The following SLC9A2 variants were observed in gnomAD, a reference collection of about 807,000 sequenced individuals.
SLC9A2 encodes sodium/hydrogen exchanger 2.
Under a neutral mutation model 71.7 loss-of-function variants are expected in SLC9A2, and 42 were observed. The observed-to-expected ratio is 0.59, with a 90% confidence interval of 0.46 to 0.76. The LOEUF is 0.76. Among genes scored for constraint, SLC9A2 ranks in the 30% least tolerant of loss-of-function variants. The pLI, the probability that SLC9A2 is intolerant of heterozygous loss-of-function variation, is 0.00. For synonymous variants in SLC9A2, 396 were observed against 392.5 expected (o/e 1.01, Z -0.10); for missense variants, 829 against 1,017.4 (o/e 0.81, Z 2.52).
chr2:102,650,097 AAGAAAATGT>A (rs1676802240), intron 1 of SLC9A2, among the ~76,000 whole-genome samples: 1 of 152,238 alleles, frequency 6.6e-6, no homozygotes, highest in South Asian at 2.1e-4. Flanking sequence ...AGACTGGATA[AAGAAAATGT>A]GGCACATATA....
At position 102,695,811 on chromosome 2, in the gene SLC9A2, T is replaced by C. The variant is rs1397040732; in HGVS notation, c.1586+698T>C. ...ATATTATATATATATTATATATATATATAATATATATATAAAAAGCTAAAA... is the reference window on the plus strand; with the variant it reads ...ATATTATATATATATTATATATATACATAATATATATATAAAAAGCTAAAA... On this transcript the variant is annotated intron_variant, in intron 7 of 11. Transcript: ENST00000233969. 4.0e-5 allele frequency among the ~76,000 whole-genome samples: 4 copies of C among 100,646 alleles called. 2 individuals carry two copies. Among genetic ancestry groups the C allele is most frequent in the African/African-American group, 1.5e-4 (4 of 26,706 alleles). 66.0% of individuals were successfully genotyped at this position (100,646 alleles called of 152,430 possible). A position where few individuals can be genotyped will look rare whatever the true frequency, so the allele number is the denominator to read the frequency against.
chr2:102,704,660 G>T lies in SLC9A2; in HGVS notation c.1962G>T (p.Leu654Phe), dbSNP rs549745401. 9.6e-5 allele frequency: 154 copies of T among 1,612,374 alleles called. 1 individual carries two copies. Among genetic ancestry groups the T allele is most frequent in the Admixed American group, 2.3e-4 (14 of 59,960 alleles). Residue 654 changes from leucine (L) to phenylalanine (F), a missense_variant, in exon 10 of 12, where the codon TTG (leucine) becomes TTT (phenylalanine). Physicochemically the swap from Leu to Phe is conservative, Grantham distance 22 (BLOSUM62 0). Transcript: ENST00000233969. ...AAAGCATTAGGAAGGACAGCAGCTT[G>T]AATCGAGAACACAGGGTAACTGAGT... ...LRESIRKDSS[L>F]NREHRASTST...
intron 1 of SLC9A2, among the ~76,000 whole-genome samples, chr2:102,632,342 AC>A (rs1432351103): frequency 2.0e-5 from 3 of 148,924 alleles, no homozygotes; most frequent in Non-Finnish European, 4.4e-5. Context: ...TGTTACTTTT[AC>A]AGCAAAAGAG....
At chr2:102,663,288 C>A (rs1677079772) in intron 2 of SLC9A2, among the ~76,000 whole-genome samples, 1 of 152,086 alleles carries the variant, frequency 6.6e-6, no homozygotes, top group African/African-American at 2.4e-5. Flanking sequence ...TTGAGTGTTA[C>A]ACCAACAATT....
rs1678075241 is a variant in SLC9A2 at position 102,710,068 on chromosome 2, T to C, written c.*1579T>C. On this transcript the variant is annotated 3_prime_UTR_variant, in exon 12 of 12. Transcript: ENST00000233969. ...CTCATGTTCTAAAGTCTTAGAATAC[T>C]GCTGGATTGTTGAGCATGAGACAGA... The C allele has an allele frequency of 6.5e-6, 1 of 152,762 alleles. No homozygotes were observed. Among genetic ancestry groups the C allele is most frequent in the South Asian group, 2.1e-4 (1 of 4,832 alleles). The allele number at this position is 152,762 out of a possible 1,614,324, so 9.5% of individuals were successfully genotyped here.
chr2:102,637,786 G>C (rs1284966527), intron 1 of SLC9A2, among the ~76,000 whole-genome samples: 2 of 152,252 alleles, frequency 1.3e-5, no homozygotes, highest in African/African-American at 4.8e-5. Context: ...TGGGAAATCT[G>C]TTACCTAATT....
chr2:102,684,319 T>C lies in SLC9A2; in HGVS notation c.1408T>C (p.Phe470Leu). Residue 470 changes from phenylalanine to leucine, a missense_variant, in exon 5 of 12, where the codon TTT becomes CTT. By Grantham distance (22) the Phe-to-Leu change is conservative (BLOSUM62 0). Coordinates refer to ENST00000233969, the MANE Select transcript of SLC9A2 (RefSeq NM_003048.6). ...FITAAIVVIF[F>L]TVFILGITIR... ...TACGGCTGCCATTGTTGTCATATTC[T>C]TTACTGTCTTCATTCTGGTAAGTAG... The C allele has an allele frequency of 6.2e-7, 1 of 1,614,014 alleles. No homozygotes were observed. The highest frequency in any genetic ancestry group is 2.2e-5 in the East Asian group (1 of 44,888).
intron 1 of SLC9A2, among the ~76,000 whole-genome samples, chr2:102,643,939 C>T (rs959019301): frequency 1.9e-4 from 28 of 150,474 alleles, no homozygotes; most frequent in African/African-American, 4.7e-4. Flanking sequence ...ACATTTAAAA[C>T]GATGAATTCA....
chr2:102,689,278 C>T (rs879503876), intron 5 of SLC9A2, among the ~76,000 whole-genome samples: 2 of 152,158 alleles, frequency 1.3e-5, no homozygotes, highest in Non-Finnish European at 2.9e-5. Context: ...ATATATTGCT[C>T]TCTCAGAAGG....
intron 1 of SLC9A2, among the ~76,000 whole-genome samples, chr2:102,620,704 C>CGG (rs1464804377): frequency 6.6e-6 from 1 of 152,080 alleles, no homozygotes; most frequent in Non-Finnish European, 1.5e-5. Flanking sequence ...GCTTTTGCTT[C>CGG]GGGGTGGCTG....
chr2:102,664,279 A>C (rs1007743177), intron 2 of SLC9A2, among the ~76,000 whole-genome samples: 1 of 152,074 alleles, frequency 6.6e-6, no homozygotes, highest in Non-Finnish European at 1.5e-5. Flanking sequence ...GACTCAAAAA[A>C]AAAAAAAAAG....
chr2:102,638,265 T>C (rs1676508805), intron 1 of SLC9A2, among the ~76,000 whole-genome samples: 1 of 152,234 alleles, frequency 6.6e-6, no homozygotes, highest in Non-Finnish European at 1.5e-5. Flanking sequence ...GCTGATTATG[T>C]GGGACACTTA....
chr2:102,700,442 G>A (rs1677851778), intron 7 of SLC9A2, among the ~76,000 whole-genome samples: 1 of 152,194 alleles, frequency 6.6e-6, no homozygotes, highest in Admixed American at 6.5e-5. Flanking sequence ...GAGGGAGGGT[G>A]AGAAGGAGGT....
intron 1 of SLC9A2, among the ~76,000 whole-genome samples, chr2:102,643,169 C>T (rs531748340): frequency 2.3e-4 from 35 of 152,170 alleles, no homozygotes; most frequent in Non-Finnish European, 4.1e-4. Context: ...ACTATGGTGA[C>T]GTCCATGTTC....
intron 5 of SLC9A2, among the ~76,000 whole-genome samples, chr2:102,692,620 T>C (rs551384849): frequency 1.6e-3 from 250 of 152,328 alleles, no homozygotes; most frequent in Middle Eastern, 0.01. Context: ...TTTAAGTATA[T>C]TTACTGACAG....
chr2:102,629,436 A>T (rs1282140905), intron 1 of SLC9A2, among the ~76,000 whole-genome samples: 1 of 152,102 alleles, frequency 6.6e-6, no homozygotes, highest in Non-Finnish European at 1.5e-5. Context: ...TTATACCTAT[A>T]CTATCAAATG....
At chr2:102,640,736 C>T (rs1438666344) in intron 1 of SLC9A2, among the ~76,000 whole-genome samples, 1 of 152,186 alleles carries the variant, frequency 6.6e-6, no homozygotes, top group Admixed American at 6.5e-5. Context: ...TGGAACTCAA[C>T]CTCCTGCCCT....
In SLC9A2 at chr2:102,619,961, A is replaced by G; in HGVS notation, c.113A>G (p.Asn38Ser). 6.2e-7 allele frequency: 1 copy of G among 1,612,378 alleles called. No homozygotes were observed. The highest frequency in any genetic ancestry group is 8.5e-7 in the Non-Finnish European group (1 of 1,179,176). Reference protein sequence around the residue: ...PVGALAETLLNAPRAMGTSSS... With the variant: ...PVGALAETLLSAPRAMGTSSS... Reference sequence around the variant, plus strand: ...GGCGCCCTGGCGGAGACCTTGCTGAACGCGCCGAGGGCCATGGGCACCAGT... The same window carrying G: ...GGCGCCCTGGCGGAGACCTTGCTGAGCGCGCCGAGGGCCATGGGCACCAGT... Residue 38 changes from asparagine (N) to serine (S), a missense_variant, in exon 1 of 12, where the codon AAC (asparagine) becomes AGC (serine). Transcript: ENST00000233969. This position sits in a 1 kb window ranked among gnomAD's most constrained non-coding sequence, Gnocchi z 4.3.
chr2:102,708,499 C>T lies in SLC9A2; in HGVS notation c.*10C>T, dbSNP rs577412247. The stretch of plus-strand genomic sequence containing the variant: ...GAGTGAGAAGCCTTAAGAGAAGCAG[C>T]GAAAGCAGATCTGAGTGTCTGACCC... On this transcript the variant is annotated 3_prime_UTR_variant, in exon 12 of 12. Coordinates refer to ENST00000233969, the MANE Select transcript of SLC9A2 (RefSeq NM_003048.6). 40 of 1,609,452 alleles carry T rather than the reference C, an allele frequency of 2.5e-5. No individual in the cohort carries two copies. The highest frequency in any genetic ancestry group is 3.4e-5 in the Non-Finnish European group (40 of 1,177,490).
Sources: allele counts gnomAD v4.1 joint callset (sites outside exome capture counted in the v4.1 genomes callset), GRCh38; gene constraint gnomAD v4.1.1; non-coding constraint Gnocchi (gnomAD v3.1); transcripts MANE v1.5; gene names NCBI Gene and HGNC (gene_info 2026-07-23, HGNC 2026-07-21).